WDR25: variants seen among roughly 807,000 people sequenced by gnomAD.
WDR25 encodes WD repeat domain 25, also known as WD repeat-containing protein 25.
WDR25 carries 35 observed loss-of-function variants against 47.7 expected under a neutral mutation model. That is an observed-to-expected ratio of 0.73 (90% confidence interval 0.56 to 0.97). The LOEUF is 0.97. Ranked by LOEUF, WDR25 falls within the 50% of genes least tolerant of loss-of-function variation. The pLI is 0.00. For synonymous variants in WDR25, 248 were observed against 278.9 expected (o/e 0.89, Z 1.10); for missense variants, 634 against 704.7 (o/e 0.90, Z 1.14).
intron 2 of WDR25, among the ~76,000 whole-genome samples, chr14:100,460,106 T>A (rs969529214): frequency 1.4e-5 from 2 of 139,840 alleles, no homozygotes; most frequent in Non-Finnish European, 3.1e-5. Flanking sequence ...TGAACATAGA[T>A]ACAAAATTTT....
chr14:100,491,527 G>A (rs1467333917), intron 4 of WDR25, among the ~76,000 whole-genome samples: 1 of 152,226 alleles, frequency 6.6e-6, no homozygotes, highest in East Asian at 1.9e-4. Flanking sequence ...CAAATGTATA[G>A]CCTAGGAGCC....
chr14:100,416,948 A>G (rs1321197137), intron 2 of WDR25, among the ~76,000 whole-genome samples: 1 of 152,244 alleles, frequency 6.6e-6, no homozygotes, highest in African/African-American at 2.4e-5. Context: ...TCACCCTCAC[A>G]AACCTTGGTC....
Position 100,440,846 on chromosome 14 carries a change from G to A in WDR25, c.823-27175G>A, listed in dbSNP as rs917462412. 6.6e-6 allele frequency among the ~76,000 whole-genome samples: 1 copy of A among 152,220 alleles called. No individual in the cohort carries two copies. Among genetic ancestry groups the A allele is most frequent in the African/African-American group, 2.4e-5 (1 of 41,448 alleles). On this transcript the variant is annotated intron_variant, in intron 2 of 6. Transcript: ENST00000402312. The surrounding 1 kb of genome is among the most constrained non-coding windows in gnomAD (Gnocchi z 4.4). ...GAGGGATGTGTGACAAACATACCAG[G>A]CTGTCATTTGGCCAGAGATTGTCTG...
intron 3 of WDR25, among the ~76,000 whole-genome samples, chr14:100,473,608 C>T (rs1246430484): frequency 1.3e-5 from 2 of 152,182 alleles, no homozygotes; most frequent in African/African-American, 4.8e-5. Flanking sequence ...AAAGATGCCT[C>T]TTCAGTGATG....
At position 100,381,111 on chromosome 14, in the gene WDR25, C is replaced by G; in HGVS notation, c.187C>G (p.Gln63Glu). 1 of 1,614,206 alleles carries G rather than the reference C, an allele frequency of 6.2e-7. No individual in the cohort carries two copies. The highest frequency in any genetic ancestry group is 8.5e-7 in the Non-Finnish European group (1 of 1,180,042). Residue 63 changes from glutamine to glutamate, a missense_variant, in exon 2 of 7, where the codon CAG becomes GAG. Transcript: ENST00000402312. Reference sequence around the variant, plus strand: ...ACTGGATGTGCCCAAAGCAGGGGCACAGCCCACAAAGCATGGCTCCTGTGA... The same window carrying G: ...ACTGGATGTGCCCAAAGCAGGGGCAGAGCCCACAAAGCATGGCTCCTGTGA... ...GTLDVPKAGA[Q>E]PTKHGSCEDP...
At chr14:100,381,780 G>A (rs1896908734) in intron 2 of WDR25, 34 bp downstream of exon 2, 1 of 1,515,558 alleles carries the variant, frequency 6.6e-7, no homozygotes, top group African/African-American at 1.4e-5. Flanking sequence ...GCTTTCAGAT[G>A]CTCTTAGGAA....
chr14:100,431,222 G>T (rs1898322893), intron 2 of WDR25, among the ~76,000 whole-genome samples: 1 of 152,166 alleles, frequency 6.6e-6, no homozygotes, highest in Admixed American at 6.5e-5. Flanking sequence ...AATAACTTTT[G>T]ATAAGACTAG....
chr14:100,445,127 A>G (rs1301749272), intron 2 of WDR25, among the ~76,000 whole-genome samples: 1 of 152,138 alleles, frequency 6.6e-6, no homozygotes, highest in Non-Finnish European at 1.5e-5. Context: ...CTCTGTTCAC[A>G]TCTCCCAGCA....
chr14:100,513,037 A>G (rs1395488117), intron 4 of WDR25, among the ~76,000 whole-genome samples: 1 of 152,204 alleles, frequency 6.6e-6, no homozygotes, highest in East Asian at 1.9e-4. Context: ...TGTGCACTGA[A>G]AAGAACGTGT....
intron 2 of WDR25, among the ~76,000 whole-genome samples, chr14:100,444,412 G>GC (rs1199605715): frequency 2.0e-5 from 3 of 152,208 alleles, no homozygotes; most frequent in Non-Finnish European, 2.9e-5. Context: ...CATCTCTAAA[G>GC]CATATAGTGA....
At chr14:100,400,306 G>A (rs1185834130) in intron 2 of WDR25, among the ~76,000 whole-genome samples, 1 of 152,210 alleles carries the variant, frequency 6.6e-6, no homozygotes, top group Non-Finnish European at 1.5e-5. Context: ...CACATTAACT[G>A]GGCTTTGTGG....
At chr14:100,376,583 C>T in intron 1 of WDR25, 88 bp downstream of exon 1, 1 of 1,232,006 alleles carries the variant, frequency 8.1e-7, no homozygotes, top group Non-Finnish European at 1.0e-6. Flanking sequence ...CGCGGTCTCT[C>T]ATAGCCGCTC....
In WDR25 at chr14:100,500,357, T is replaced by C. The variant is rs562447179; in HGVS notation, c.1101+16233T>C. ...AGGCAGGCCAGCTCGTCTCTTCTGC[T>C]CCTTCTTCCAGGGACCCGAGGAGGG... On this transcript the variant is annotated intron_variant, in intron 4 of 6. Coordinates refer to ENST00000402312, the MANE Select transcript of WDR25 (RefSeq NM_001161476.3). The surrounding 1 kb of genome is among the most constrained non-coding windows in gnomAD (Gnocchi z 4.7). Among the ~76,000 whole-genome samples the C allele has an allele frequency of 1.3e-5, 2 of 152,140 alleles. No individual in the cohort carries two copies. The highest frequency in any genetic ancestry group is 6.5e-5 in the Admixed American group (1 of 15,280).
chr14:100,483,479 C>T (rs1213410193), intron 3 of WDR25, among the ~76,000 whole-genome samples: 1 of 152,160 alleles, frequency 6.6e-6, no homozygotes, highest in African/African-American at 2.4e-5. Flanking sequence ...CAGGCCACCC[C>T]ACCTGCCATG....
At chr14:100,426,663 G>A (rs553064093) in intron 2 of WDR25, among the ~76,000 whole-genome samples, 211 of 152,354 alleles carry the variant, frequency 1.4e-3, no homozygotes, top group African/African-American at 5.0e-3. Flanking sequence ...ATCTGTTGGA[G>A]CCTCTGGAGC....
intron 3 of WDR25, among the ~76,000 whole-genome samples, chr14:100,478,553 A>T (rs1900095598): frequency 6.6e-6 from 1 of 152,382 alleles, no homozygotes; most frequent in Admixed American, 6.5e-5. Context: ...TAAAAAATTT[A>T]AAAATCTTGT....
At chr14:100,423,054 A>G (rs759311434) in intron 2 of WDR25, among the ~76,000 whole-genome samples, 9 of 152,204 alleles carry the variant, frequency 5.9e-5, no homozygotes, top group Non-Finnish European at 1.3e-4. Flanking sequence ...TTGTAATGTG[A>G]TAGATTTTCA....
intron 2 of WDR25, among the ~76,000 whole-genome samples, chr14:100,387,004 T>G (rs760637907): frequency 6.6e-6 from 1 of 152,000 alleles, no homozygotes; most frequent in African/African-American, 2.4e-5. Flanking sequence ...GTACCACTGT[T>G]GTACTCCTTG....
chr14:100,450,044 C>T (rs1898973630), intron 2 of WDR25, among the ~76,000 whole-genome samples: 1 of 152,216 alleles, frequency 6.6e-6, no homozygotes, highest in African/African-American at 2.4e-5. Flanking sequence ...CACTTGTCTC[C>T]TTGTGTTATT....
Sources: gnomAD v4.1 joint callset for allele counts (sites outside exome capture counted in the v4.1 genomes callset) on GRCh38, gnomAD v4.1.1 for gene constraint, Gnocchi (gnomAD v3.1) non-coding constraint, MANE v1.5 for transcripts, NCBI Gene and HGNC (gene_info 2026-07-23, HGNC 2026-07-21) for gene names.